The following PTPRD variants were observed in gnomAD, a reference collection of about 807,000 sequenced individuals.
The protein encoded by PTPRD is receptor-type tyrosine-protein phosphatase delta.
PTPRD carries 34 observed loss-of-function variants against 214.5 expected under a neutral mutation model. That is an observed-to-expected ratio of 0.16 (90% CI 0.12 to 0.21). The LOEUF (loss-of-function observed/expected upper bound fraction) is 0.21. PTPRD is among the 10% of genes least tolerant of loss of function. The probability of loss-of-function intolerance (pLI) is 1.00; values close to 1 mark genes in which losing one functional copy is unlikely to be tolerated. For missense variants in PTPRD, 2,545 were observed against 2,398.7 expected, an observed-to-expected ratio of 1.06 and a Z score of -1.27; for synonymous variants, 1,128 against 845.7, an observed-to-expected ratio of 1.33 and a Z score of -5.79.
At chr9:9,429,668 C>A (rs1238801905) in intron 8 of PTPRD, among the ~76,000 whole-genome samples, 2 of 152,128 alleles carry the variant, frequency 1.3e-5, no homozygotes, top group Non-Finnish European at 2.9e-5. Context: ...TACTGGCAAA[C>A]CGAATCCAGC....
chr9:10,194,345 T>TAGAG (rs1182799154), intron 3 of PTPRD, among the ~76,000 whole-genome samples: 4 of 39,846 alleles, frequency 1.0e-4, no homozygotes, highest in African/African-American at 3.1e-4. Flanking sequence ...TATATATATA[T>TAGAG]AGAGAGAGAG....
At chr9:10,532,109 G>T (rs1452804902) in intron 2 of PTPRD, 2 of 152,048 alleles carry the variant, frequency 1.3e-5, no homozygotes, top group African/African-American at 2.4e-5. Context: ...GCTGATATTT[G>T]TTGCAGAAGC....
chr9:9,356,212 C>T (rs187981920), intron 9 of PTPRD, among the ~76,000 whole-genome samples: 24 of 150,936 alleles, frequency 1.6e-4, no homozygotes, highest in African/African-American at 5.8e-4. Flanking sequence ...GGGGACAAGA[C>T]AATTTTGTGT....
chr9:8,948,437 TTACA>T (rs201396313), intron 11 of PTPRD, among the ~76,000 whole-genome samples: 12,893 of 19,768 alleles, frequency 0.65, 5,004 homozygotes, highest in East Asian at 0.92. Flanking sequence ...ATATATATAT[TTACA>T]TATATATATA....
At chr9:10,534,378 T>C (rs1168250147) in intron 2 of PTPRD, among the ~76,000 whole-genome samples, 1 of 152,044 alleles carries the variant, frequency 6.6e-6, no homozygotes, top group African/African-American at 2.4e-5. Context: ...ACTTTCATGA[T>C]AAAATATTTT....
intron 3 of PTPRD, among the ~76,000 whole-genome samples, chr9:10,195,036 A>T (rs2099391926): frequency 6.7e-6 from 1 of 149,972 alleles, no homozygotes; most frequent in South Asian, 2.1e-4. Context: ...GGGTTCAAGC[A>T]ATTCTCCTGC....
intron 10 of PTPRD, among the ~76,000 whole-genome samples, chr9:9,059,000 T>G (rs780497901): frequency 3.4e-4 from 52 of 152,106 alleles, no homozygotes; most frequent in Non-Finnish European, 6.5e-4. Context: ...TGGAGAACTT[T>G]AATCTGCCCA....
chr9:9,534,221 G>A (rs1378668817), intron 8 of PTPRD, among the ~76,000 whole-genome samples: 4 of 152,056 alleles, frequency 2.6e-5, no homozygotes, highest in Non-Finnish European at 5.9e-5. Context: ...TATAAAATAT[G>A]ATGAGAAATA....
rs547794443 is a variant in PTPRD at position 9,122,090 on chromosome 9, G to T, written c.-143+61214C>A. 2.0e-5 allele frequency among the ~76,000 whole-genome samples: 3 copies of T among 152,142 alleles called. No individual in the cohort carries two copies. The South Asian group carries it at 6.2e-4, about 31-fold the overall frequency. On this transcript the variant is annotated intron_variant, in intron 10 of 45. Transcript: ENST00000381196. The stretch of plus-strand genomic sequence containing the variant: ...TTTATGATAGAAAACAAAAAAAGTA[G>T]ATCCTTGAAAAGTGATTCATGATTA...
chr9:8,712,993 A>G (rs1374108599), intron 12 of PTPRD, among the ~76,000 whole-genome samples: 1 of 152,200 alleles, frequency 6.6e-6, no homozygotes, highest in Admixed American at 6.5e-5. Context: ...TGCTGGGATT[A>G]TAGGCGTGAG....
intron 3 of PTPRD, among the ~76,000 whole-genome samples, chr9:10,252,521 C>T (rs543394464): frequency 6.6e-6 from 1 of 151,968 alleles, no homozygotes; most frequent in African/African-American, 2.4e-5. Flanking sequence ...GGAAAGCCAC[C>T]GAGCCCAACC....
chr9:9,970,437 AAAAAAAG>A (rs375721025), intron 4 of PTPRD, among the ~76,000 whole-genome samples: 1,553 of 142,090 alleles, frequency 0.011, 14 homozygotes, highest in Non-Finnish European at 0.014. Context: ...CTCAAAAAAA[AAAAAAAG>A]AAAAAGAAAA....
At chr9:9,829,518 G>A (rs939445844) in intron 5 of PTPRD, among the ~76,000 whole-genome samples, 4 of 151,860 alleles carry the variant, frequency 2.6e-5, no homozygotes, top group Non-Finnish European at 5.9e-5. Context: ...AATAATATTT[G>A]TAATCTTTGT....
intron 11 of PTPRD, among the ~76,000 whole-genome samples, chr9:8,848,737 CAG>C (rs1256385350): frequency 2.0e-5 from 3 of 151,968 alleles, no homozygotes; most frequent in Non-Finnish European, 4.4e-5. Context: ...GTGAGTGAAA[CAG>C]ATAAAAGTTG....
chr9:9,931,719 T>C lies in PTPRD; in HGVS notation c.-368+6788A>G, dbSNP rs375613873. Reference sequence around the variant, plus strand: ...GCTGGGAAGCTCGAACTGGGTGGAGTCCACCACAGCTCAAGGAGGCCTGCC... The same window carrying C: ...GCTGGGAAGCTCGAACTGGGTGGAGCCCACCACAGCTCAAGGAGGCCTGCC... On this transcript the variant is annotated intron_variant, in intron 5 of 45. Transcript: ENST00000381196. Among the ~76,000 whole-genome samples, 38 of 151,472 alleles carry C rather than the reference T, an allele frequency of 2.5e-4. 1 individual carries two copies. The highest frequency in any genetic ancestry group is 1.2e-3 in the East Asian group (6 of 5,056).
intron 3 of PTPRD, among the ~76,000 whole-genome samples, chr9:10,087,838 C>T (rs965063906): frequency 6.6e-6 from 1 of 151,672 alleles, no homozygotes; most frequent in East Asian, 1.9e-4. Context: ...ACTTCTTTAT[C>T]TAAAAGTGTA....
intron 11 of PTPRD, among the ~76,000 whole-genome samples, chr9:8,955,773 C>CATCT (rs200229382): frequency 0.015 from 2,291 of 151,878 alleles, 55 homozygotes; most frequent in African/African-American, 0.051. Context: ...CTTTCACACA[C>CATCT]ATCTAACTCC....
At chr9:8,896,619 A>G (rs777270818) in intron 11 of PTPRD, among the ~76,000 whole-genome samples, 6 of 152,222 alleles carry the variant, frequency 3.9e-5, no homozygotes, top group Non-Finnish European at 8.8e-5. Context: ...CAATAGATTA[A>G]TGAAGAGGAG....
intron 12 of PTPRD, among the ~76,000 whole-genome samples, chr9:8,656,937 A>T (rs910053765): frequency 6.6e-6 from 1 of 152,206 alleles, no homozygotes; most frequent in Non-Finnish European, 1.5e-5. Context: ...ACATCACAGA[A>T]ATTATCACAT....
Sources: allele counts gnomAD v4.1 joint callset (sites outside exome capture counted in the v4.1 genomes callset), GRCh38; gene constraint gnomAD v4.1.1; transcripts MANE v1.5; gene names NCBI Gene and HGNC (gene_info 2026-07-23, HGNC 2026-07-21).